PIWIL1: variants seen among roughly 807,000 people sequenced by gnomAD.
PIWIL1 encodes piwi like RNA-mediated gene silencing 1.
Under a neutral mutation model 114.4 loss-of-function variants are expected in PIWIL1, and 73 were observed. The observed-to-expected ratio is 0.64, with a 90% CI of 0.53 to 0.78. PIWIL1 has a LOEUF of 0.78. PIWIL1 is among the 30% of genes least tolerant of loss of function. The pLI is 0.00. For missense variants in PIWIL1, 723 were observed against 1,063.1 expected, an observed-to-expected ratio of 0.68 and a Z score of 4.45; for synonymous variants, 375 against 369.0, an observed-to-expected ratio of 1.02 and a Z score of -0.19.
intron 1 of PIWIL1, among the ~76,000 whole-genome samples, chr12:130,341,513 A>G (rs958086338): frequency 2.6e-5 from 4 of 152,248 alleles, no homozygotes; most frequent in Non-Finnish European, 5.9e-5. Context: ...AGCTGACTTC[A>G]AGTTGCTTTT....
the PIWIL1 span, among the ~76,000 whole-genome samples, chr12:130,411,408 G>A: frequency 5.3e-5 from 8 of 152,128 alleles, no homozygotes; most frequent in African/African-American, 1.2e-4. Flanking sequence ...AGTGGTGAGG[G>A]CCGACATCCT....
At chr12:130,362,947 G>C in intron 17 of PIWIL1, 44 bp from the exon 18 acceptor site, 1 of 1,612,226 alleles carries the variant, frequency 6.2e-7, no homozygotes, top group Non-Finnish European at 8.5e-7. Flanking sequence ...GACGAGTTGT[G>C]TCGTAGGCAT....
chr12:130,340,545 G>C (rs1336703759), intron 1 of PIWIL1, among the ~76,000 whole-genome samples: 1 of 150,546 alleles, frequency 6.6e-6, no homozygotes, highest in Non-Finnish European at 1.5e-5. Flanking sequence ...AGCTCAGGCT[G>C]TCCTGCTCAC....
At chr12:130,418,328 A>G in the PIWIL1 span, among the ~76,000 whole-genome samples, 5 of 152,044 alleles carry the variant, frequency 3.3e-5, no homozygotes, top group Non-Finnish European at 7.4e-5. Context: ...CCATGAAAAA[A>G]CCTGACTTTT....
At chr12:130,409,639 G>A in the PIWIL1 span, among the ~76,000 whole-genome samples, 10 of 152,184 alleles carry the variant, frequency 6.6e-5, no homozygotes, top group East Asian at 1.9e-4. Flanking sequence ...CACTGCGCCC[G>A]GCCCAGAATG....
At chr12:130,366,042 C>T (rs2073646317) in intron 18 of PIWIL1, among the ~76,000 whole-genome samples, 1 of 152,214 alleles carries the variant, frequency 6.6e-6, no homozygotes, top group South Asian at 2.1e-4. Flanking sequence ...ACATCAGCAA[C>T]ATTGCCGAGT....
chr12:130,371,722 C>G lies in PIWIL1; in HGVS notation c.*124C>G, dbSNP rs1372237313. The G allele has an allele frequency of 1.8e-6, 1 of 554,820 alleles. No individual in the cohort carries two copies. The highest frequency in any genetic ancestry group is 3.2e-6 in the Non-Finnish European group (1 of 314,924). 34.4% of individuals were successfully genotyped at this position (554,820 alleles called of 1,614,324 possible). On this transcript the variant is annotated 3_prime_UTR_variant, in exon 21 of 21. Transcript: ENST00000245255. ...AAACTTGGGAAGGGGATTAGGAGAT[C>G]TAGCATTTTATTTCTAGCATTGCTA...
At chr12:130,411,087 T>A in the PIWIL1 span, among the ~76,000 whole-genome samples, 1 of 152,220 alleles carries the variant, frequency 6.6e-6, no homozygotes, top group East Asian at 1.9e-4. Context: ...TGCTAAGTAG[T>A]TCATGTTTTG....
chr12:130,370,038 G>A (rs764520278), intron 19 of PIWIL1, among the ~76,000 whole-genome samples: 7 of 152,118 alleles, frequency 4.6e-5, no homozygotes, highest in Non-Finnish European at 8.8e-5. Flanking sequence ...GCATGATTTC[G>A]CTGTTCTTTC....
chr12:130,381,594 T>C, the PIWIL1 span, among the ~76,000 whole-genome samples: 1 of 152,232 alleles, frequency 6.6e-6, no homozygotes, highest in East Asian at 1.9e-4. Context: ...CTTCCAAGTT[T>C]TGGCAAATAT....
the PIWIL1 span, chr12:130,398,091 A>C: frequency 2.0e-5 from 3 of 152,632 alleles, no homozygotes; most frequent in African/African-American, 7.2e-5. Context: ...AAGAAAGCTT[A>C]AAGGCCCTTA....
At chr12:130,340,278 G>C (rs1476236664) in intron 1 of PIWIL1, among the ~76,000 whole-genome samples, 1 of 152,104 alleles carries the variant, frequency 6.6e-6, no homozygotes, top group African/African-American at 2.4e-5. Flanking sequence ...GTTTGCTGGA[G>C]TCTCAAGCGG....
chr12:130,358,375 G>A (rs1425116960), intron 14 of PIWIL1, among the ~76,000 whole-genome samples: 2 of 152,094 alleles, frequency 1.3e-5, no homozygotes, highest in African/African-American at 4.8e-5. Flanking sequence ...TTATTAAGAG[G>A]GTAAACTCTG....
the PIWIL1 span, chr12:130,419,590 A>G: frequency 6.6e-6 from 1 of 152,228 alleles, no homozygotes; most frequent in Non-Finnish European, 1.5e-5. The surrounding 1 kb of genome is among the most constrained non-coding windows in gnomAD (Gnocchi z 4.3). Flanking sequence ...TTTAAGGGGC[A>G]AAGCTTTGTC....
intron 7 of PIWIL1, among the ~76,000 whole-genome samples, chr12:130,348,926 C>T (rs2073142314): frequency 6.6e-6 from 1 of 151,994 alleles, no homozygotes; most frequent in African/African-American, 2.4e-5. Context: ...AATATTGCAG[C>T]CCAACAGGTT....
the PIWIL1 span, chr12:130,396,013 G>GAA: frequency 0.43 from 63,018 of 147,762 alleles, 15,337 homozygotes; most frequent in Non-Finnish European, 0.56. Context: ...ATTATTTTTG[G>GAA]AAAAAAAAAA....
At chr12:130,340,751 G>T (rs2072898556) in intron 1 of PIWIL1, among the ~76,000 whole-genome samples, 1 of 152,022 alleles carries the variant, frequency 6.6e-6, no homozygotes, top group Admixed American at 6.5e-5. Context: ...TATGCCCCGT[G>T]TGTAAGCCGA....
the PIWIL1 span, chr12:130,398,193 T>G: frequency 6.6e-6 from 1 of 152,288 alleles, no homozygotes; most frequent in Non-Finnish European, 1.5e-5. Context: ...AAGCGCTTAA[T>G]AGTGCTTCAG....
chr12:130,414,040 C>T, the PIWIL1 span: 22 of 1,405,598 alleles, frequency 1.6e-5, no homozygotes, highest in East Asian at 9.1e-5. Flanking sequence ...ATCTCTAAGT[C>T]GATACCCTGT....
Sources: gnomAD v4.1 joint callset for allele counts (sites outside exome capture counted in the v4.1 genomes callset) on GRCh38, gnomAD v4.1.1 for gene constraint, Gnocchi (gnomAD v3.1) non-coding constraint, MANE v1.5 for transcripts, NCBI Gene and HGNC (gene_info 2026-07-23, HGNC 2026-07-21) for gene names.